Variants in NFIA observed in about 807,000 individuals in gnomAD.
The protein encoded by NFIA is nuclear factor I A.
A neutral mutation model predicts 62.8 loss-of-function variants in NFIA; 8 were observed. The ratio of observed to expected loss-of-function variants is 0.13; its 90% CI spans 0.07 to 0.23. The LOEUF (loss-of-function observed/expected upper bound fraction) is 0.23. Among genes scored for constraint, NFIA ranks in the 10% least tolerant of loss-of-function variants. The probability of loss-of-function intolerance (pLI) is 1.00; values close to 1 mark genes in which losing one functional copy is unlikely to be tolerated. For missense variants in NFIA, 410 were observed against 642.1 expected, an observed-to-expected ratio of 0.64 and a Z score of 3.91; for synonymous variants, 235 against 238.1, an observed-to-expected ratio of 0.99 and a Z score of 0.12.
Position 61,403,986 on chromosome 1 carries a change from A to G in NFIA, c.1076-118A>G, listed in dbSNP as rs1377865524. On this transcript the variant is annotated intron_variant, in intron 7 of 10. Coordinates refer to ENST00000403491, the MANE Select transcript of NFIA (RefSeq NM_001134673.4). ...GACCTATCCAGTGTTAAATTCAGTC[A>G]CATGAGCAATATTGTGAATCGGGCC... is the stretch of plus-strand genomic sequence containing the variant. 5 of 1,187,090 alleles carry G rather than the reference A, an allele frequency of 4.2e-6. No homozygotes were observed. In the East Asian group the frequency reaches 1.2e-4, roughly 28 times the overall value. 73.5% of individuals were successfully genotyped at this position (1,187,090 alleles called of 1,614,324 possible).
At chr1:61,396,559 T>C (rs1005821263) in intron 7 of NFIA, among the ~76,000 whole-genome samples, 20 of 152,144 alleles carry the variant, frequency 1.3e-4, no homozygotes, top group African/African-American at 4.3e-4. Context: ...AAAGTATTTC[T>C]AGTAGTCAAT....
upstream of NFIA, chr1:61,082,446 GC>G: frequency 9.7e-7 from 1 of 1,035,898 alleles, no homozygotes; most frequent in Non-Finnish European, 1.2e-6. Flanking sequence ...AGGCGGGCGC[GC>G]GGGCAGCTCG....
At chr1:61,077,845 TC>T (rs1646050355), upstream of NFIA, among the ~76,000 whole-genome samples, 3 of 151,808 alleles carry the variant, frequency 2.0e-5, no homozygotes, top group Admixed American at 2.0e-4. Context: ...GACCGGGTTT[TC>T]TTTTTCTTTT....
intron 10 of NFIA, among the ~76,000 whole-genome samples, chr1:61,427,485 G>A (rs1666920750): frequency 1.3e-5 from 2 of 152,182 alleles, no homozygotes; most frequent in South Asian, 4.1e-4. Context: ...GCAATTTTGT[G>A]CACATGCCTG....
intron 5 of NFIA, among the ~76,000 whole-genome samples, chr1:61,354,908 G>A (rs932160288): frequency 3.9e-5 from 6 of 152,156 alleles, no homozygotes; most frequent in Non-Finnish European, 5.9e-5. Flanking sequence ...CAAGGACACC[G>A]TCCTTGGCAC....
rs58423220 is a variant in NFIA, at chr1:61,231,506, A to T, written c.560-46014A>T. 2.8e-4 allele frequency among the ~76,000 whole-genome samples: 42 copies of T among 152,246 alleles called. 1 individual carries two copies. The East Asian group carries it at 7.9e-3, about 29-fold the overall frequency. On this transcript the variant is annotated intron_variant, in intron 2 of 10. Coordinates refer to ENST00000403491, the MANE Select transcript of NFIA (RefSeq NM_001134673.4). ...TAAAATAGTAAATGACACAATTATT[A>T]TATATATGTAAAATTCAGATCCATT...
intron 2 of NFIA, among the ~76,000 whole-genome samples, chr1:61,235,654 A>T (rs1654962423): frequency 7.0e-6 from 1 of 142,858 alleles, no homozygotes; most frequent in Non-Finnish European, 1.5e-5. Flanking sequence ...CATCTCTTTA[A>T]AAAAAAAAAA....
chr1:61,299,486 G>A (rs982956074), intron 3 of NFIA, among the ~76,000 whole-genome samples: 1 of 152,144 alleles, frequency 6.6e-6, no homozygotes, highest in African/African-American at 2.4e-5. Context: ...CAAACTTTAT[G>A]AAAAGCATTT....
intron 2 of NFIA, among the ~76,000 whole-genome samples, chr1:61,115,167 G>A (rs1331280242): frequency 6.6e-6 from 1 of 152,134 alleles, no homozygotes; most frequent in Non-Finnish European, 1.5e-5. Flanking sequence ...TTTTAGCAGA[G>A]ACGGGGTTTC....
intron 4 of NFIA, among the ~76,000 whole-genome samples, chr1:61,346,944 A>C (rs1348692420): frequency 6.6e-6 from 1 of 152,072 alleles, no homozygotes; most frequent in East Asian, 1.9e-4. Context: ...ACACCATCAG[A>C]TCTCGTGGGA....
chr1:61,280,166 G>A (rs776380156), intron 3 of NFIA, among the ~76,000 whole-genome samples: 15 of 152,118 alleles, frequency 9.9e-5, no homozygotes, highest in Non-Finnish European at 1.8e-4. Flanking sequence ...TTAAAGACAC[G>A]TAATCCCAAA....
intron 2 of NFIA, among the ~76,000 whole-genome samples, chr1:61,201,398 T>C (rs1223981463): frequency 6.6e-6 from 1 of 152,114 alleles, no homozygotes; most frequent in Non-Finnish European, 1.5e-5. Context: ...GAGATACATT[T>C]GTTTGAGTCC....
At chr1:61,299,484 A>G (rs1440242440) in intron 3 of NFIA, among the ~76,000 whole-genome samples, 1 of 152,208 alleles carries the variant, frequency 6.6e-6, no homozygotes, top group East Asian at 1.9e-4. Flanking sequence ...CACAAACTTT[A>G]TGAAAAGCAT....
chr1:61,394,522 G>C (rs952785497), intron 7 of NFIA, among the ~76,000 whole-genome samples: 10 of 152,136 alleles, frequency 6.6e-5, no homozygotes, highest in African/African-American at 2.4e-4. Flanking sequence ...AGAAACTGTA[G>C]GTTTGGAAAT....
At chr1:61,218,323 C>G (rs543459087) in intron 2 of NFIA, among the ~76,000 whole-genome samples, 2 of 152,286 alleles carry the variant, frequency 1.3e-5, no homozygotes, top group East Asian at 1.9e-4. Context: ...GTACCGACTT[C>G]AAGAGGTCAA....
In NFIA at chr1:61,401,238, T is replaced by G. The variant is rs572421343; in HGVS notation, c.1076-2866T>G. Among the ~76,000 whole-genome samples, 6 of 152,320 alleles carry G rather than the reference T, an allele frequency of 3.9e-5. No individual in the cohort carries two copies. In the South Asian group the frequency reaches 1.2e-3, roughly 32 times the overall value. ...ATTTGAAACTACAGGCTAAATGATTTCCTGGTATTAATTAAGAATTAATTG... is the reference window on the plus strand; with the variant it reads ...ATTTGAAACTACAGGCTAAATGATTGCCTGGTATTAATTAAGAATTAATTG... On this transcript the variant is annotated intron_variant, in intron 7 of 10. Coordinates refer to ENST00000403491, the MANE Select transcript of NFIA (RefSeq NM_001134673.4).
intron 2 of NFIA, among the ~76,000 whole-genome samples, chr1:61,257,362 G>C (rs1193702836): frequency 9.6e-6 from 1 of 104,236 alleles, no homozygotes; most frequent in Non-Finnish European, 1.8e-5. Context: ...TTTTGAGACA[G>C]AGTCTCCCTC....
chr1:61,363,985 C>T (rs372920841), intron 6 of NFIA, among the ~76,000 whole-genome samples: 4 of 147,258 alleles, frequency 2.7e-5, no homozygotes, highest in East Asian at 2.0e-4. Context: ...CTTGCTCTAT[C>T]GCCCAGGCTG....
At chr1:61,427,347 T>A (rs1666913632) in intron 10 of NFIA, among the ~76,000 whole-genome samples, 2 of 152,218 alleles carry the variant, frequency 1.3e-5, no homozygotes, top group African/African-American at 4.8e-5. Context: ...GAAATAGAAT[T>A]AGATTCACGT....
Sources: allele counts gnomAD v4.1 joint callset (sites outside exome capture counted in the v4.1 genomes callset), GRCh38; gene constraint gnomAD v4.1.1; transcripts MANE v1.5; gene names NCBI Gene and HGNC (gene_info 2026-07-23, HGNC 2026-07-21).